KCNJ6: variants seen among roughly 807,000 people sequenced by gnomAD.
The protein encoded by KCNJ6 is G protein-activated inward rectifier potassium channel 2.
In KCNJ6, 9 loss-of-function variants were observed where a neutral mutation model predicts 34.2. The observed-to-expected ratio is 0.26, with a 90% confidence interval of 0.16 to 0.46. The LOEUF is 0.46. Ranked by LOEUF, KCNJ6 falls within the 20% of genes least tolerant of loss-of-function variation. The probability of loss-of-function intolerance (pLI) is 1.00; values close to 1 mark genes in which losing one functional copy is unlikely to be tolerated. For missense variants in KCNJ6, 236 were observed against 531.3 expected, an observed-to-expected ratio of 0.44 and a Z score of 5.46; for synonymous variants, 196 against 207.1, an observed-to-expected ratio of 0.95 and a Z score of 0.46.
intron 2 of KCNJ6, among the ~76,000 whole-genome samples, chr21:37,796,034 G>A (rs1254310725): frequency 1.3e-5 from 2 of 152,124 alleles, no homozygotes; most frequent in Non-Finnish European, 2.9e-5. Flanking sequence ...CGTTCTATGG[G>A]AGCCTGAGGG....
intron 1 of KCNJ6, among the ~76,000 whole-genome samples, chr21:37,885,985 C>T (rs1397281942): frequency 6.6e-6 from 1 of 152,030 alleles, no homozygotes; most frequent in African/African-American, 2.4e-5. Flanking sequence ...TCATGAATTG[C>T]ACCAAGGAGT....
intron 2 of KCNJ6, among the ~76,000 whole-genome samples, chr21:37,754,027 G>C (rs2055011056): frequency 6.6e-6 from 1 of 152,224 alleles, no homozygotes; most frequent in African/African-American, 2.4e-5. Flanking sequence ...CCTGCAGATA[G>C]TTTTCTTGAA....
chr21:37,785,508 T>C (rs1331924930), intron 2 of KCNJ6, among the ~76,000 whole-genome samples: 1 of 152,222 alleles, frequency 6.6e-6, no homozygotes, highest in Non-Finnish European at 1.5e-5. Flanking sequence ...GTTTTCATCA[T>C]TGTTACATGC....
rs2054242608 is a variant in KCNJ6 at position 37,611,548 on chromosome 21, A to G, written c.*13611T>C. The G allele has an allele frequency of 6.6e-6, 1 of 152,222 alleles. No individual in the cohort carries two copies. Among genetic ancestry groups the G allele is most frequent in the Non-Finnish European group, 1.5e-5 (1 of 68,040 alleles). The allele number at this position is 152,222 out of a possible 1,614,324, so 9.4% of individuals were successfully genotyped here. A position where few individuals can be genotyped will look rare whatever the true frequency, so the allele number is the denominator to read the frequency against. On this transcript the variant is annotated 3_prime_UTR_variant, in exon 4 of 4. Coordinates refer to ENST00000609713, the MANE Select transcript of KCNJ6 (RefSeq NM_002240.5). ...CAGACAAAGACATTACAAGAAAACT[A>G]CAGACCAATACCTGTCATAAGCATA...
At chr21:37,655,220 TGTGTGAGAGAGAGAGAGAGAGA>T (rs1301804418) in intron 3 of KCNJ6, among the ~76,000 whole-genome samples, 112 of 8,928 alleles carry the variant, frequency 0.013, 1 homozygote, top group Middle Eastern at 0.077. Flanking sequence ...TGTGTGTGTG[TGTGTGAGAGAGAGAGAGAGAGA>T]GAGAGAGAGA....
chr21:37,728,436 A>G (rs963340165), intron 2 of KCNJ6, among the ~76,000 whole-genome samples: 3 of 152,194 alleles, frequency 2.0e-5, no homozygotes, highest in Non-Finnish European at 4.4e-5. Flanking sequence ...TAAAATGATA[A>G]ATTTTATGTT....
intron 2 of KCNJ6, among the ~76,000 whole-genome samples, chr21:37,763,222 G>A (rs759244213): frequency 1.6e-4 from 24 of 152,168 alleles, no homozygotes; most frequent in Non-Finnish European, 2.5e-4. Context: ...CTTGTCCCAC[G>A]CTGGATGGCA....
intron 1 of KCNJ6, among the ~76,000 whole-genome samples, chr21:37,858,392 CAAAAAAAAAAAAAA>C (rs60814205): frequency 3.7e-5 from 2 of 54,500 alleles, no homozygotes; most frequent in Non-Finnish European, 6.2e-5. Flanking sequence ...GACTCCGTCT[CAAAAAAAAAAAAAA>C]AAAAAAAAAA....
intron 1 of KCNJ6, among the ~76,000 whole-genome samples, chr21:37,841,357 C>A (rs2055479960): frequency 6.6e-6 from 1 of 152,186 alleles, no homozygotes; most frequent in African/African-American, 2.4e-5. Flanking sequence ...TACTGGTCAT[C>A]TCTACTGAAA....
At chr21:37,691,590 C>T (rs1397258573) in intron 3 of KCNJ6, among the ~76,000 whole-genome samples, 1 of 152,208 alleles carries the variant, frequency 6.6e-6, no homozygotes, top group East Asian at 1.9e-4. Flanking sequence ...CACAGTTTGG[C>T]TTCTGGCTAG....
At chr21:37,650,550 G>C (rs960701265) in intron 3 of KCNJ6, among the ~76,000 whole-genome samples, 1 of 152,094 alleles carries the variant, frequency 6.6e-6, no homozygotes, top group Non-Finnish European at 1.5e-5. Flanking sequence ...CCTGGACTAC[G>C]CTTCCTCTCC....
intron 2 of KCNJ6, among the ~76,000 whole-genome samples, chr21:37,745,046 A>C (rs184908995): frequency 8.0e-4 from 120 of 149,102 alleles, no homozygotes; most frequent in African/African-American, 2.9e-3. Context: ...ATAGTAGCAT[A>C]AGAAGGACTT....
chr21:37,851,736 AGATT>A (rs1283482300), intron 1 of KCNJ6, among the ~76,000 whole-genome samples: 2 of 151,514 alleles, frequency 1.3e-5, no homozygotes. Context: ...AAGATGATGC[AGATT>A]GATTTTTTTT....
intron 3 of KCNJ6, among the ~76,000 whole-genome samples, chr21:37,700,784 G>A (rs858002): frequency 0.17 from 25,486 of 152,074 alleles, 2,513 homozygotes; most frequent in East Asian, 0.37. Context: ...CACATCTTAG[G>A]GGTACAGCTA....
rs910998272 is a variant in KCNJ6 at position 37,714,896 on chromosome 21, C to A, written c.261G>T (p.Leu87=). The A allele has an allele frequency of 2.5e-6, 4 of 1,614,124 alleles. No homozygotes were observed. In the African/African-American group the frequency reaches 5.3e-5, roughly 22 times the overall value. ...LTDIFTTLVD[L]KWRFNLLIFV... ...AAATCAATAGGTTGAATCTCCACTTCAGGTCCACTAATGTGGTGAAGATAT... is the reference window on the plus strand; with the variant it reads ...AAATCAATAGGTTGAATCTCCACTTAAGGTCCACTAATGTGGTGAAGATAT... The change falls in exon 3 of 4, where the codon CTG becomes CTT. Residue 87 remains leucine (L), a synonymous_variant. Coordinates refer to ENST00000609713, the MANE Select transcript of KCNJ6 (RefSeq NM_002240.5). This position sits in a 1 kb window ranked among gnomAD's most constrained non-coding sequence, Gnocchi z 5.9.
intron 3 of KCNJ6, among the ~76,000 whole-genome samples, chr21:37,697,032 ACAGT>A (rs1426128669): frequency 1.3e-5 from 2 of 152,228 alleles, no homozygotes; most frequent in African/African-American, 4.8e-5. Flanking sequence ...GTTTGGATCC[ACAGT>A]CAGGCCAAGA....
At chr21:37,854,262 A>C (rs1280235859) in intron 1 of KCNJ6, among the ~76,000 whole-genome samples, 1 of 152,178 alleles carries the variant, frequency 6.6e-6, no homozygotes, top group African/African-American at 2.4e-5. Flanking sequence ...CACAAGCATT[A>C]ATTTAAAAAA....
intron 3 of KCNJ6, among the ~76,000 whole-genome samples, chr21:37,702,759 G>C (rs1322804665): frequency 6.6e-6 from 1 of 152,184 alleles, no homozygotes; most frequent in Non-Finnish European, 1.5e-5. Flanking sequence ...TTGGGAAGAG[G>C]AGAATAGCTT....
At chr21:37,886,928 C>A (rs886992591) in intron 1 of KCNJ6, among the ~76,000 whole-genome samples, 1 of 151,360 alleles carries the variant, frequency 6.6e-6, no homozygotes, top group Non-Finnish European at 1.5e-5. Context: ...CCTGATCCAA[C>A]CTTGTTTTTT....
Sources: allele counts gnomAD v4.1 joint callset (sites outside exome capture counted in the v4.1 genomes callset), GRCh38; gene constraint gnomAD v4.1.1; non-coding constraint Gnocchi (gnomAD v3.1); transcripts MANE v1.5; gene names NCBI Gene and HGNC (gene_info 2026-07-23, HGNC 2026-07-21).